The following SOX6 variants were observed in gnomAD, a reference collection of about 807,000 sequenced individuals.
SOX6 encodes the protein SRY-box transcription factor 6, also known as transcription factor SOX-6.
In SOX6, 11 loss-of-function variants were observed where a neutral mutation model predicts 97.8. That is an observed-to-expected ratio of 0.11 (90% confidence interval 0.07 to 0.19). The LOEUF (loss-of-function observed/expected upper bound fraction) is 0.19. Among genes scored for constraint, SOX6 ranks in the 10% least tolerant of loss-of-function variants. SOX6 has a pLI of 1.00. For missense variants in SOX6, 810 were observed against 1,039.5 expected (o/e 0.78, Z 3.04); for synonymous variants, 360 against 371.4 (o/e 0.97, Z 0.35).
chr11:16,151,653 T>C (rs1049504591), intron 6 of SOX6, among the ~76,000 whole-genome samples: 3 of 152,164 alleles, frequency 2.0e-5, no homozygotes, highest in Admixed American at 2.0e-4. Flanking sequence ...AAATCAGATA[T>C]GGAATCTCTT....
chr11:16,484,471 C>G (rs1433309631), intron 4 of SOX6: 1 of 807,666 alleles, frequency 1.2e-6, no homozygotes, highest in African/African-American at 1.7e-5. Flanking sequence ...CGCACTTCAC[C>G]ACCTGCTCCC....
intron 4 of SOX6, among the ~76,000 whole-genome samples, chr11:16,506,526 G>A (rs1460870584): frequency 2.0e-5 from 3 of 152,174 alleles, no homozygotes. Flanking sequence ...GCTGAAATGA[G>A]TTAAGACTTG....
chr11:16,275,890 G>T (rs1276738803), intron 3 of SOX6, among the ~76,000 whole-genome samples: 1 of 152,078 alleles, frequency 6.6e-6, no homozygotes, highest in Non-Finnish European at 1.5e-5. Flanking sequence ...GATTCATATT[G>T]TAATATTTGT....
At chr11:16,514,126 G>C (rs1360257517) in intron 4 of SOX6, among the ~76,000 whole-genome samples, 2 of 148,828 alleles carry the variant, frequency 1.3e-5, no homozygotes, top group African/African-American at 2.5e-5. Flanking sequence ...TGAGGTGAGA[G>C]AATCGCTTCA....
chr11:16,259,883 T>C (rs1853822824), intron 3 of SOX6, among the ~76,000 whole-genome samples: 1 of 151,424 alleles, frequency 6.6e-6, no homozygotes, highest in South Asian at 2.1e-4. Context: ...AAAAATTTAG[T>C]GAAAGATACA....
At chr11:16,400,636 T>C (rs527557331) in intron 1 of SOX6, among the ~76,000 whole-genome samples, 8 of 151,500 alleles carry the variant, frequency 5.3e-5, no homozygotes, top group Admixed American at 3.3e-4. Flanking sequence ...CAAAAATGTA[T>C]ACATAATATG....
intron 3 of SOX6, among the ~76,000 whole-genome samples, chr11:16,301,894 G>A (rs1262221987): frequency 6.6e-6 from 1 of 152,028 alleles, no homozygotes. Context: ...CCACCTTCAT[G>A]GAATACTCAA....
intron 3 of SOX6, among the ~76,000 whole-genome samples, chr11:16,238,349 T>C (rs747530489): frequency 3.3e-5 from 5 of 152,096 alleles, no homozygotes; most frequent in Admixed American, 6.6e-5. Flanking sequence ...GTTTTTAAAA[T>C]ATCATGCATA....
At chr11:16,515,806 T>A (rs1420609089) in intron 4 of SOX6, among the ~76,000 whole-genome samples, 1 of 119,472 alleles carries the variant, frequency 8.4e-6, no homozygotes, top group Non-Finnish European at 1.8e-5. Context: ...AAATAGGGAA[T>A]CCTTTCCCCA....
chr11:16,270,690 G>A (rs1467725660), intron 3 of SOX6, among the ~76,000 whole-genome samples: 6 of 149,854 alleles, frequency 4.0e-5, no homozygotes, highest in African/African-American at 1.5e-4. Context: ...TCAGCCATAA[G>A]AAGGAGTGTA....
intron 3 of SOX6, among the ~76,000 whole-genome samples, chr11:16,708,725 G>A (rs1196705950): frequency 6.6e-6 from 1 of 152,124 alleles, no homozygotes; most frequent in East Asian, 1.9e-4. Flanking sequence ...AGCCATGCGT[G>A]GGGTACATGA....
intron 4 of SOX6, among the ~76,000 whole-genome samples, chr11:16,218,792 C>T (rs10766306): frequency 0.48 from 72,579 of 151,886 alleles, 17,519 homozygotes; most frequent in South Asian, 0.61. Flanking sequence ...GTGATGTCGA[C>T]CGAACAAAAT....
At chr11:16,566,512 T>A (rs995087527) in intron 4 of SOX6, among the ~76,000 whole-genome samples, 3 of 152,122 alleles carry the variant, frequency 2.0e-5, no homozygotes, top group Non-Finnish European at 2.9e-5. Flanking sequence ...GGAAAAGAAA[T>A]AGGTTGAGTC....
At chr11:16,699,549 A>G (rs1435119067) in intron 3 of SOX6, among the ~76,000 whole-genome samples, 1 of 152,170 alleles carries the variant, frequency 6.6e-6, no homozygotes, top group East Asian at 1.9e-4. Flanking sequence ...GATGATTCCT[A>G]TTTATACTCA....
intron 4 of SOX6, among the ~76,000 whole-genome samples, chr11:16,604,501 A>G (rs1170714439): frequency 6.6e-6 from 1 of 152,186 alleles, no homozygotes; most frequent in South Asian, 2.1e-4. Flanking sequence ...AGCCAGGGCC[A>G]AAGCCCGGCC....
At position 16,575,279 on chromosome 11, in the gene SOX6, T is replaced by C. The variant is rs529168059; in HGVS notation, n.609+36802A>G. 5.3e-5 allele frequency among the ~76,000 whole-genome samples: 8 copies of C among 152,306 alleles called. No homozygotes were observed. In the East Asian group the frequency reaches 1.5e-3, roughly 29 times the overall value. On this transcript the variant is annotated intron_variant and non_coding_transcript_variant, in intron 4 of 5. Coordinates refer to the SOX6 transcript ENST00000524520. ...TAGCAACAATGCTGAATAACAAGAA[T>C]GTTAATAGGCTGTTGGTAACACTAT...
Position 16,464,649 on chromosome 11 carries a change from T to C in SOX6, c.-5+11666A>G, listed in dbSNP as rs191180609. On this transcript the variant is annotated intron_variant, in intron 1 of 15. Coordinates refer to the SOX6 transcript ENST00000396356. ...ACCTGATTATTTGATCTATCAGATA[T>C]AAAGATGCTTCTTGGTCATAGTTAC... Among the ~76,000 whole-genome samples, 261 of 152,302 alleles carry C rather than the reference T, an allele frequency of 1.7e-3. 1 individual carries two copies. Among genetic ancestry groups the C allele is most frequent in the Non-Finnish European group, 2.9e-3 (200 of 68,008 alleles).
intron 4 of SOX6, among the ~76,000 whole-genome samples, chr11:16,512,203 T>A (rs1198209741): frequency 6.6e-6 from 1 of 152,138 alleles, no homozygotes; most frequent in Non-Finnish European, 1.5e-5. Flanking sequence ...AAATTGTGTA[T>A]CAAGGCACCC....
upstream of SOX6, among the ~76,000 whole-genome samples, chr11:16,478,521 A>G (rs967933685): frequency 2.0e-5 from 3 of 152,246 alleles, no homozygotes; most frequent in Admixed American, 1.3e-4. Context: ...TCATCATATC[A>G]GTCCAGTCGT....
Sources: gnomAD v4.1 joint callset for allele counts (sites outside exome capture counted in the v4.1 genomes callset) on GRCh38, gnomAD v4.1.1 for gene constraint, MANE v1.5 for transcripts, NCBI Gene and HGNC (gene_info 2026-07-23, HGNC 2026-07-21) for gene names.